The following RBFOX3 variants were observed in gnomAD, a reference collection of about 807,000 sequenced individuals.
RBFOX3 encodes RNA binding fox-1 homolog 3, also known as RNA binding protein fox-1 homolog 3.
In RBFOX3, 17 loss-of-function variants were observed where a neutral mutation model predicts 48.7. That is an observed-to-expected ratio of 0.35 (90% confidence interval 0.24 to 0.52). The LOEUF is 0.52. Among genes scored for constraint, RBFOX3 ranks in the 20% least tolerant of loss-of-function variants. The probability of loss-of-function intolerance (pLI) is 0.94; values close to 1 mark genes in which losing one functional copy is unlikely to be tolerated. For synonymous variants in RBFOX3, 212 were observed against 209.5 expected, an observed-to-expected ratio of 1.01 and a Z score of -0.10; for missense variants, 382 against 497.5, an observed-to-expected ratio of 0.77 and a Z score of 2.21.
In RBFOX3 at chr17:79,090,745, G is replaced by A. The variant is rs1599362729; in HGVS notation, c.*138C>T. On this transcript the variant is annotated 3_prime_UTR_variant, in exon 15 of 15. Transcript: ENST00000693108. ...GGCCAGGACGCGGGACTTGGACTTG[G>A]TTGGATGCCTCTTGGTTTGGTTGGT... 1.8e-6 allele frequency: 2 copies of A among 1,099,918 alleles called. No individual in the cohort carries two copies. Among genetic ancestry groups the A allele is most frequent in the East Asian group, 2.6e-5 (1 of 38,512 alleles). 68.1% of individuals were successfully genotyped at this position (1,099,918 alleles called of 1,614,324 possible).
chr17:79,380,957 G>A (rs1219557107), intron 2 of RBFOX3, among the ~76,000 whole-genome samples: 2 of 152,302 alleles, frequency 1.3e-5, no homozygotes, highest in East Asian at 1.9e-4. Flanking sequence ...TTTCCCAGTA[G>A]TCACATTAAG....
chr17:79,503,918 C>T lies in RBFOX3; in HGVS notation c.-319-21320G>A, dbSNP rs908215936. On this transcript the variant is annotated intron_variant, in intron 1 of 14. Coordinates refer to ENST00000693108, the MANE Select transcript of RBFOX3 (RefSeq NM_001350451.2). The stretch of plus-strand genomic sequence containing the variant: ...GACGGGGATGCAAAACCCTTCCTCC[C>T]GACTTAGACTCCAGCGGAGCTTGTG... Among the ~76,000 whole-genome samples the T allele has an allele frequency of 3.1e-3, 468 of 152,304 alleles. 10 individuals carry two copies. The South Asian group carries it at 0.045, about 15-fold the overall frequency.
intron 3 of RBFOX3, among the ~76,000 whole-genome samples, chr17:79,303,016 C>T (rs11655509): frequency 0.33 from 49,608 of 151,752 alleles, 9,797 homozygotes; most frequent in East Asian, 0.47. Flanking sequence ...CTGGCTTGGG[C>T]AACATAGTGA....
chr17:79,171,603 C>A (rs1461929960), intron 4 of RBFOX3, among the ~76,000 whole-genome samples: 1 of 151,468 alleles, frequency 6.6e-6, no homozygotes, highest in Non-Finnish European at 1.5e-5. Context: ...TTGAATCACA[C>A]TAATTACTAA....
At chr17:79,399,339 G>A (rs1568181552) in intron 2 of RBFOX3, among the ~76,000 whole-genome samples, 1 of 152,232 alleles carries the variant, frequency 6.6e-6, no homozygotes, top group Non-Finnish European at 1.5e-5. Context: ...AAAGGTGCGT[G>A]CCCGCACACA....
chr17:79,595,837 G>T (rs1047704162), intron 1 of RBFOX3, among the ~76,000 whole-genome samples: 1 of 152,190 alleles, frequency 6.6e-6, no homozygotes, highest in African/African-American at 2.4e-5. Context: ...AATATGCAGC[G>T]CATTCACAGG....
At chr17:79,208,673 G>GC (rs2147049965) in intron 4 of RBFOX3, 2 of 152,938 alleles carry the variant, frequency 1.3e-5, no homozygotes, top group Non-Finnish European at 1.5e-5. Flanking sequence ...AGAGGCAGAG[G>GC]GGAGGCTCTT....
chr17:79,105,186 C>T (rs1321604191), intron 6 of RBFOX3, among the ~76,000 whole-genome samples: 1 of 152,214 alleles, frequency 6.6e-6, no homozygotes, highest in Non-Finnish European at 1.5e-5. Context: ...TGGGGCCAGA[C>T]AGCAATGAAA....
upstream of RBFOX3, among the ~76,000 whole-genome samples, chr17:79,611,360 G>A (rs912661865): frequency 0.01 from 1,584 of 151,878 alleles, 28 homozygotes; most frequent in African/African-American, 0.036. Flanking sequence ...GCGGCGGAGC[G>A]GGGAGAGCCA....
intron 1 of RBFOX3, among the ~76,000 whole-genome samples, chr17:79,540,878 C>T (rs1042582035): frequency 2.0e-5 from 3 of 152,200 alleles, no homozygotes; most frequent in African/African-American, 7.2e-5. Context: ...TTCAACCGGA[C>T]ACTTCAGAGC....
At chr17:79,215,825 C>T (rs1468164200) in intron 4 of RBFOX3, among the ~76,000 whole-genome samples, 1 of 152,274 alleles carries the variant, frequency 6.6e-6, no homozygotes, top group Non-Finnish European at 1.5e-5. Flanking sequence ...GCCTGCTGGG[C>T]ACACTGCCGG....
chr17:79,382,652 C>T (rs939340419), intron 2 of RBFOX3, among the ~76,000 whole-genome samples: 6 of 152,238 alleles, frequency 3.9e-5, no homozygotes, highest in African/African-American at 1.4e-4. Context: ...GCCACAACCA[C>T]ACTCACGCGC....
In RBFOX3 at chr17:79,252,052, G is replaced by T. The variant is rs1327884019; in HGVS notation, c.-73-16247C>A. ...CCATCTCTCAGCAGGGAATGAGTCTGCTGACCACGCCTCATGCCTCTGGAA... is the reference window on the plus strand; with the variant it reads ...CCATCTCTCAGCAGGGAATGAGTCTTCTGACCACGCCTCATGCCTCTGGAA... On this transcript the variant is annotated intron_variant, in intron 3 of 14. Transcript: ENST00000693108. The surrounding 1 kb of genome is among the most constrained non-coding windows in gnomAD (Gnocchi z 4.0). 6.6e-6 allele frequency among the ~76,000 whole-genome samples: 1 copy of T among 152,190 alleles called. No individual in the cohort carries two copies. The highest frequency in any genetic ancestry group is 1.5e-5 in the Non-Finnish European group (1 of 68,042).
chr17:79,097,675 C>A lies in RBFOX3; in HGVS notation c.622+17G>T, dbSNP rs997566238. ...GTAGCTGGTCTCATCCCATCCCCGC[C>A]CCGCCCCAGCTTTTACCTGCATAGA... On this transcript the variant is annotated intron_variant, in intron 10 of 14. Transcript: ENST00000693108. The A allele has an allele frequency of 1.9e-6, 3 of 1,541,336 alleles. No homozygotes were observed. The highest frequency in any genetic ancestry group is 2.4e-5 in the South Asian group (2 of 83,748).
At chr17:79,402,218 A>G (rs2062898458) in intron 2 of RBFOX3, among the ~76,000 whole-genome samples, 1 of 152,206 alleles carries the variant, frequency 6.6e-6, no homozygotes, top group Non-Finnish European at 1.5e-5. Context: ...CAGCTGCTCA[A>G]ATTTAGTTTG....
chr17:79,572,249 G>A (rs1394592440), intron 1 of RBFOX3, among the ~76,000 whole-genome samples: 1 of 152,134 alleles, frequency 6.6e-6, no homozygotes, highest in Non-Finnish European at 1.5e-5. Context: ...TCAGACCAGG[G>A]CATTCCCCTG....
chr17:79,181,940 G>A, intron 4 of RBFOX3, among the ~76,000 whole-genome samples: 1 of 150,860 alleles, frequency 6.6e-6, no homozygotes, highest in South Asian at 2.1e-4. Context: ...CAGACCCCTG[G>A]AGTCTCTCAT....
chr17:79,362,749 C>T lies in RBFOX3; in HGVS notation c.-174-54925G>A, dbSNP rs2147325195. ...ATTAGAGACCATGGGATGGGGCCTC[C>T]GAGGAGCTCTGGGACTGCTCAAGGC... On this transcript the variant is annotated intron_variant, in intron 2 of 14. Transcript: ENST00000693108. This position sits in a 1 kb window ranked among gnomAD's most constrained non-coding sequence, Gnocchi z 4.2. 6.6e-6 allele frequency among the ~76,000 whole-genome samples: 1 copy of T among 152,268 alleles called. No individual in the cohort carries two copies. The highest frequency in any genetic ancestry group is 2.1e-4 in the South Asian group (1 of 4,824).
At chr17:79,231,771 T>C (rs2147787901) in intron 4 of RBFOX3, among the ~76,000 whole-genome samples, 1 of 152,276 alleles carries the variant, frequency 6.6e-6, no homozygotes, top group Middle Eastern at 3.4e-3. Flanking sequence ...CCATAAACCA[T>C]TGATGAAATT....
Sources: gnomAD v4.1 joint callset for allele counts (sites outside exome capture counted in the v4.1 genomes callset) on GRCh38, gnomAD v4.1.1 for gene constraint, Gnocchi (gnomAD v3.1) non-coding constraint, MANE v1.5 for transcripts, NCBI Gene and HGNC (gene_info 2026-07-23, HGNC 2026-07-21) for gene names.